RBFOX1: variants seen among roughly 807,000 people sequenced by gnomAD.
The protein encoded by RBFOX1 is RNA binding protein fox-1 homolog 1.
Under a neutral mutation model 57.7 loss-of-function variants are expected in RBFOX1, and 8 were observed. The observed-to-expected ratio is 0.14, with a 90% CI of 0.08 to 0.25. The LOEUF is 0.25. RBFOX1 is among the 10% of genes least tolerant of loss of function. The pLI is 1.00. For synonymous variants in RBFOX1, 326 were observed against 222.4 expected (o/e 1.47, Z -4.15); for missense variants, 611 against 548.5 (o/e 1.11, Z -1.14).
chr16:5,952,157 G>C (rs904278621), intron 4 of RBFOX1, among the ~76,000 whole-genome samples: 5 of 141,508 alleles, frequency 3.5e-5, no homozygotes, highest in African/African-American at 1.3e-4. Context: ...TTTTGGTTTT[G>C]TTTTTTTTTT....
intron 3 of RBFOX1, among the ~76,000 whole-genome samples, chr16:6,814,930 A>T (rs139955452): frequency 6.6e-6 from 1 of 152,180 alleles, no homozygotes; most frequent in African/African-American, 2.4e-5. Context: ...CAAGTTTTTT[A>T]AGAAAATACA....
chr16:6,512,543 C>G lies in RBFOX1; in HGVS notation c.-63-142060C>G, dbSNP rs2096276633. On this transcript the variant is annotated intron_variant, in intron 2 of 15. Transcript: ENST00000550418. The stretch of plus-strand genomic sequence containing the variant: ...GGGTCTGGACCAAGACTGGGTGTTG[C>G]TAGACATTACACAAGAGCCTCTTTT... Among the ~76,000 whole-genome samples the G allele has an allele frequency of 3.3e-5, 5 of 152,030 alleles. No homozygotes were observed. In the South Asian group the frequency reaches 1.0e-3, roughly 32 times the overall value.
chr16:7,524,983 G>T (rs987353378), intron 5 of RBFOX1, among the ~76,000 whole-genome samples: 3 of 152,172 alleles, frequency 2.0e-5, no homozygotes, highest in African/African-American at 4.8e-5. Flanking sequence ...GATATAAAAT[G>T]AAAACTAACA....
intron 3 of RBFOX1, among the ~76,000 whole-genome samples, chr16:5,685,585 A>G (rs2050480459): frequency 6.6e-6 from 1 of 152,240 alleles, no homozygotes; most frequent in Non-Finnish European, 1.5e-5. Flanking sequence ...TTGATTAAAG[A>G]AAATTAAATT....
At chr16:7,652,859 T>A (rs1047995384) in intron 11 of RBFOX1, among the ~76,000 whole-genome samples, 2 of 152,194 alleles carry the variant, frequency 1.3e-5, no homozygotes, top group African/African-American at 4.8e-5. Flanking sequence ...GTTTGTGCAC[T>A]CATACCACAT....
rs1379269524 is a variant in RBFOX1 at position 6,945,538 on chromosome 16, C to T, written c.-15-106519C>T. Among the ~76,000 whole-genome samples the T allele has an allele frequency of 6.6e-5, 10 of 152,062 alleles. No individual in the cohort carries two copies. The South Asian group carries it at 1.9e-3, about 28-fold the overall frequency. ...AAAACACTACCTGACCATGTAAAGC[C>T]ACATCTGTGACTCATGGGCAACCAG... On this transcript the variant is annotated intron_variant, in intron 3 of 15. Transcript: ENST00000550418.
intron 3 of RBFOX1, among the ~76,000 whole-genome samples, chr16:6,961,874 G>C (rs1228903337): frequency 6.6e-6 from 1 of 152,092 alleles, no homozygotes; most frequent in Non-Finnish European, 1.5e-5. Context: ...GGTTTGGGTG[G>C]GTTTTAGCTG....
At chr16:7,148,578 G>A (rs1180808031) in intron 4 of RBFOX1, among the ~76,000 whole-genome samples, 1 of 152,196 alleles carries the variant, frequency 6.6e-6, no homozygotes, top group Non-Finnish European at 1.5e-5. Flanking sequence ...ATCGAGAATG[G>A]AGATTTTCCA....
chr16:6,932,661 C>T (rs564191188), intron 3 of RBFOX1, among the ~76,000 whole-genome samples: 1 of 152,132 alleles, frequency 6.6e-6, no homozygotes, highest in Non-Finnish European at 1.5e-5. Flanking sequence ...GAGAGTTGCA[C>T]CAGATTCTGA....
chr16:7,165,660 C>G (rs538101228), intron 4 of RBFOX1, among the ~76,000 whole-genome samples: 3 of 151,884 alleles, frequency 2.0e-5, no homozygotes, highest in Non-Finnish European at 2.9e-5. Flanking sequence ...AACTCCCGAT[C>G]TCAGGTGATC....
At chr16:7,401,074 C>T (rs1490173209) in intron 4 of RBFOX1, among the ~76,000 whole-genome samples, 1 of 152,140 alleles carries the variant, frequency 6.6e-6, no homozygotes, top group East Asian at 1.9e-4. Context: ...AATACAGTCC[C>T]AAGACATCCA....
At chr16:6,052,807 A>AATAATAATAAT (rs2095568861) in intron 1 of RBFOX1, among the ~76,000 whole-genome samples, 1 of 74,016 alleles carries the variant, frequency 1.4e-5, no homozygotes, top group South Asian at 4.3e-4. Flanking sequence ...AATAAAATAT[A>AATAATAATAAT]ATAATAATAA....
intron 2 of RBFOX1, among the ~76,000 whole-genome samples, chr16:5,509,160 C>A (rs2043488976): frequency 6.6e-6 from 1 of 152,182 alleles, no homozygotes; most frequent in African/African-American, 2.4e-5. Flanking sequence ...ACATGCGATC[C>A]CCCACTGGGA....
chr16:5,591,204 A>T (rs564139464), intron 2 of RBFOX1, among the ~76,000 whole-genome samples: 3 of 152,262 alleles, frequency 2.0e-5, no homozygotes, highest in Admixed American at 2.0e-4. Flanking sequence ...TCAGAAATAT[A>T]AAATGAGTTT....
At chr16:7,550,214 C>T (rs1160013170) in intron 5 of RBFOX1, among the ~76,000 whole-genome samples, 2 of 152,022 alleles carry the variant, frequency 1.3e-5, no homozygotes, top group Non-Finnish European at 2.9e-5. Flanking sequence ...GCCACTATGC[C>T]CAGCCTACCC....
chr16:7,672,961 G>T (rs2072045220), intron 13 of RBFOX1, among the ~76,000 whole-genome samples: 1 of 145,488 alleles, frequency 6.9e-6, no homozygotes, highest in Non-Finnish European at 1.5e-5. Context: ...TAGTAAATAA[G>T]ATTTAAGTTG....
chr16:7,541,574 A>G (rs896686609), intron 5 of RBFOX1, among the ~76,000 whole-genome samples: 13 of 152,068 alleles, frequency 8.5e-5, no homozygotes, highest in African/African-American at 2.4e-4. Context: ...TATTCCATCT[A>G]GACTGTCCCA....
chr16:6,640,839 C>A (rs370500164), intron 2 of RBFOX1, among the ~76,000 whole-genome samples: 6 of 152,184 alleles, frequency 3.9e-5, no homozygotes, highest in African/African-American at 1.4e-4. Context: ...CTGTCATGTT[C>A]TAGCCCCATC....
chr16:7,231,446 C>G (rs1372304612), intron 4 of RBFOX1, among the ~76,000 whole-genome samples: 1 of 152,144 alleles, frequency 6.6e-6, no homozygotes, highest in Non-Finnish European at 1.5e-5. Flanking sequence ...TTAATCAGCT[C>G]ATTTATCATC....
Sources: allele counts gnomAD v4.1 joint callset (sites outside exome capture counted in the v4.1 genomes callset), GRCh38; gene constraint gnomAD v4.1.1; transcripts MANE v1.5; gene names NCBI Gene and HGNC (gene_info 2026-07-23, HGNC 2026-07-21).